The following ADAMTS14 variants were observed in gnomAD, a reference collection of about 807,000 sequenced individuals.
The protein encoded by ADAMTS14 is A disintegrin and metalloproteinase with thrombospondin motifs 14.
ADAMTS14 carries 100 observed loss-of-function variants against 128.6 expected under a neutral mutation model. That is an observed-to-expected ratio of 0.78 (90% confidence interval 0.66 to 0.92). ADAMTS14 has a LOEUF of 0.92. Ranked by LOEUF, ADAMTS14 falls within the 40% of genes least tolerant of loss-of-function variation. ADAMTS14 has a pLI of 0.00. For missense variants in ADAMTS14, 1,562 were observed against 1,658.6 expected, an observed-to-expected ratio of 0.94 and a Z score of 1.01; for synonymous variants, 665 against 653.8, an observed-to-expected ratio of 1.02 and a Z score of -0.26.
At position 70,739,077 on chromosome 10, in the gene ADAMTS14, G is replaced by A. The variant is rs374520783; in HGVS notation, c.1748+87G>A. ...GAGGGGAAGGCACTGGGGAGACAGT[G>A]CAGGAGAGAAGGGCCCCTGTGGGTG... On this transcript the variant is annotated intron_variant, in intron 11 of 21. Transcript: ENST00000373207. 52 of 1,473,790 alleles carry A rather than the reference G, an allele frequency of 3.5e-5. No homozygotes were observed. In the Admixed American group the frequency reaches 3.6e-4, roughly 10 times the overall value. The allele number at this position is 1,473,790 out of a possible 1,614,324, so 91.3% of individuals were successfully genotyped here. A position where few individuals can be genotyped will look rare whatever the true frequency, so the allele number is the denominator to read the frequency against.
intron 2 of ADAMTS14, among the ~76,000 whole-genome samples, chr10:70,694,219 C>T (rs1020371705): frequency 6.6e-5 from 10 of 152,304 alleles, no homozygotes; most frequent in African/African-American, 9.6e-5. Context: ...GTGCCACATG[C>T]GTGTCGTCTC....
intron 11 of ADAMTS14, 102 bp downstream of exon 11, chr10:70,739,092 C>T: frequency 7.2e-7 from 1 of 1,394,544 alleles, no homozygotes; most frequent in Non-Finnish European, 9.5e-7. Context: ...AGAGAAGGGC[C>T]CCTGTGGGTG....
intron 15 of ADAMTS14, among the ~76,000 whole-genome samples, chr10:70,747,732 T>C (rs1334149870): frequency 6.6e-6 from 1 of 152,184 alleles, no homozygotes; most frequent in Non-Finnish European, 1.5e-5. Context: ...CCTGAAAGGT[T>C]AGAGTTTTCC....
chr10:70,723,552 A>G (rs1326274419), intron 4 of ADAMTS14, among the ~76,000 whole-genome samples: 8 of 152,244 alleles, frequency 5.3e-5, no homozygotes, highest in Admixed American at 3.3e-4. Flanking sequence ...TATTTTTAGA[A>G]TAATAGGAAT....
chr10:70,681,833 T>C (rs1244353824), intron 2 of ADAMTS14, among the ~76,000 whole-genome samples: 1 of 152,212 alleles, frequency 6.6e-6, no homozygotes, highest in Non-Finnish European at 1.5e-5. Flanking sequence ...CCCTCACACA[T>C]GTGTGCCTAG....
intron 21 of ADAMTS14, 43 bp downstream of exon 21, chr10:70,758,328 C>T: frequency 6.4e-7 from 1 of 1,557,618 alleles, no homozygotes; most frequent in Non-Finnish European, 8.8e-7. Flanking sequence ...CCAGACCTTT[C>T]AGTGGCCCTG....
intron 2 of ADAMTS14, among the ~76,000 whole-genome samples, chr10:70,698,700 G>A (rs929341824): frequency 1.3e-5 from 2 of 152,194 alleles, no homozygotes; most frequent in Admixed American, 6.5e-5. Flanking sequence ...ATCCACAGTC[G>A]CATAGAAATT....
chr10:70,700,086 G>A (rs953329297), intron 2 of ADAMTS14, among the ~76,000 whole-genome samples: 2 of 152,040 alleles, frequency 1.3e-5, no homozygotes, highest in East Asian at 1.9e-4. Context: ...AGGCCCTCAC[G>A]GCAACAAAGC....
At position 70,760,806 on chromosome 10, in the gene ADAMTS14, C is replaced by G. The variant is rs781128100; in HGVS notation, c.3625C>G (p.Leu1209Val). The change falls in exon 22 of 22, where the codon CTG (leucine) becomes GTG (valine). Residue 1209 changes from leucine (L) to valine (V), a missense_variant. Physicochemically the swap from Leu to Val is conservative, Grantham distance 32. Transcript: ENST00000373207. ...PEDKGQPGED[L>V]RHPGTSLPAA... ...GGACAAAGGGCAACCTGGAGAAGAC[C>G]TGAGACATCCCGGCACCAGCCTCCC... 2.5e-6 allele frequency: 4 copies of G among 1,599,934 alleles called. No homozygotes were observed. Among genetic ancestry groups the G allele is most frequent in the Non-Finnish European group, 2.6e-6 (3 of 1,171,396 alleles).
chr10:70,681,252 G>C (rs1385041852), intron 2 of ADAMTS14, among the ~76,000 whole-genome samples: 1 of 152,216 alleles, frequency 6.6e-6, no homozygotes, highest in Non-Finnish European at 1.5e-5. Flanking sequence ...CTGAGAAGGA[G>C]GGGTGCTCAG....
rs72483126 is a variant in ADAMTS14 at position 70,749,608 on chromosome 10, A to AGTGTGTGTGTGT, written c.2264-196_2264-185dup. Among the ~76,000 whole-genome samples, 555 of 147,870 alleles carry AGTGTGTGTGTGT rather than the reference A, an allele frequency of 3.8e-3. 4 individuals carry two copies. The highest frequency in any genetic ancestry group is 0.014 in the Middle Eastern group (4 of 290). On this transcript the variant is annotated intron_variant, in intron 15 of 21. Transcript: ENST00000373207. ...TGCACTAGGATCCAGAGGCAGCAAGAGTGTGTGTGTGTGTGTGTGTGTGTG... is the reference window on the plus strand; with the variant it reads ...TGCACTAGGATCCAGAGGCAGCAAGAGTGTGTGTGTGTGTGTGTGTGTGTGTGTGTGTGTGTG...
At chr10:70,758,308 A>C in intron 21 of ADAMTS14, 23 bp downstream of exon 21, 1 of 1,603,170 alleles carries the variant, frequency 6.2e-7, no homozygotes, top group Non-Finnish European at 8.5e-7. Flanking sequence ...TATGGACCCT[A>C]CCCTGCTCCC....
At chr10:70,713,737 T>G (rs572387215) in intron 4 of ADAMTS14, among the ~76,000 whole-genome samples, 1 of 152,270 alleles carries the variant, frequency 6.6e-6, no homozygotes, top group East Asian at 1.9e-4. Flanking sequence ...AGCTTGCCGC[T>G]GTGTATGGGG....
intron 16 of ADAMTS14, among the ~76,000 whole-genome samples, chr10:70,750,683 G>A (rs751168673): frequency 1.1e-4 from 17 of 152,148 alleles, no homozygotes; most frequent in Admixed American, 2.6e-4. Flanking sequence ...CCTTATATTT[G>A]TTGACAACCC....
rs1841906643 is a variant in ADAMTS14 at position 70,738,829 on chromosome 10, T to TG, written c.1600-12dup. ...CAGCCCAGGGTGACCTCATGCCCTCTGCTCTGCCCCAGTGGTGCTTCAAAG... is the reference window on the plus strand; with the variant it reads ...CAGCCCAGGGTGACCTCATGCCCTCTGGCTCTGCCCCAGTGGTGCTTCAAAG... On this transcript the variant is annotated splice_polypyrimidine_tract_variant and intron_variant, in intron 10 of 21. Coordinates refer to ENST00000373207, the MANE Select transcript of ADAMTS14 (RefSeq NM_080722.4). 2 of 1,613,696 alleles carry TG rather than the reference T, an allele frequency of 1.2e-6. No homozygotes were observed. The highest frequency in any genetic ancestry group is 1.1e-5 in the South Asian group (1 of 91,088).
chr10:70,727,106 G>A (rs918977150), intron 4 of ADAMTS14, among the ~76,000 whole-genome samples: 1 of 152,242 alleles, frequency 6.6e-6, no homozygotes, highest in Non-Finnish European at 1.5e-5. Flanking sequence ...TTCATGAACT[G>A]GGGCAGCTGC....
At chr10:70,707,519 C>T (rs143034368) in intron 3 of ADAMTS14, among the ~76,000 whole-genome samples, 1 of 152,346 alleles carries the variant, frequency 6.6e-6, no homozygotes, top group African/African-American at 2.4e-5. Context: ...CATGCACCCT[C>T]ACTCCACCGC....
intron 4 of ADAMTS14, among the ~76,000 whole-genome samples, chr10:70,712,119 C>G (rs1482700119): frequency 1.3e-5 from 2 of 152,258 alleles, no homozygotes; most frequent in South Asian, 4.2e-4. Context: ...GAACACTTGA[C>G]CGCCCACCCA....
intron 14 of ADAMTS14, 70 bp downstream of exon 14, chr10:70,744,259 C>T: frequency 6.9e-7 from 1 of 1,457,812 alleles, no homozygotes; most frequent in African/African-American, 1.4e-5. Context: ...AGGGGGCCCT[C>T]CCTCCTTGAA....
Sources: allele counts gnomAD v4.1 joint callset (sites outside exome capture counted in the v4.1 genomes callset), GRCh38; gene constraint gnomAD v4.1.1; transcripts MANE v1.5; gene names NCBI Gene and HGNC (gene_info 2026-07-23, HGNC 2026-07-21).